The following NRG3 variants were observed in gnomAD, a reference collection of about 807,000 sequenced individuals.
The protein encoded by NRG3 is pro-neuregulin-3, membrane-bound isoform.
NRG3 carries 31 observed loss-of-function variants against 66.9 expected under a neutral mutation model. The observed-to-expected ratio is 0.46, with a 90% CI of 0.35 to 0.63. NRG3 has a LOEUF of 0.63. Ranked by LOEUF, NRG3 falls within the 20% of genes least tolerant of loss-of-function variation. The pLI is 0.00. For synonymous variants in NRG3, 393 were observed against 359.4 expected (o/e 1.09, Z -1.06); for missense variants, 910 against 878.9 (o/e 1.04, Z -0.45).
At chr10:82,763,369 T>A (rs2059398593) in intron 3 of NRG3, among the ~76,000 whole-genome samples, 1 of 152,170 alleles carries the variant, frequency 6.6e-6, no homozygotes, top group African/African-American at 2.4e-5. Context: ...TAGTAAAATA[T>A]ATTTGAAAAG....
intron 1 of NRG3, among the ~76,000 whole-genome samples, chr10:82,057,863 T>A (rs2063927446): frequency 6.6e-6 from 1 of 152,128 alleles, no homozygotes; most frequent in Non-Finnish European, 1.5e-5. Flanking sequence ...CTTATTTGCA[T>A]GGCCGACTAA....
intron 2 of NRG3, among the ~76,000 whole-genome samples, chr10:82,504,508 A>G (rs1321033851): frequency 1.3e-5 from 2 of 152,202 alleles, no homozygotes; most frequent in Non-Finnish European, 2.9e-5. Flanking sequence ...TGTACGGATG[A>G]TCAAAAGGTG....
intron 1 of NRG3, among the ~76,000 whole-genome samples, chr10:82,133,961 C>G (rs1426825386): frequency 6.6e-6 from 1 of 152,124 alleles, no homozygotes; most frequent in African/African-American, 2.4e-5. Flanking sequence ...GCCATTCTGA[C>G]TGGTGTGGGA....
At chr10:82,820,070 G>T (rs1658079274) in intron 3 of NRG3, among the ~76,000 whole-genome samples, 1 of 152,152 alleles carries the variant, frequency 6.6e-6, no homozygotes, top group African/African-American at 2.4e-5. Flanking sequence ...GTTTCCGAGA[G>T]CAACAAAGTG....
intron 2 of NRG3, among the ~76,000 whole-genome samples, chr10:82,685,276 G>A (rs936538922): frequency 6.6e-6 from 1 of 152,168 alleles, no homozygotes; most frequent in Admixed American, 6.5e-5. Context: ...GATGCACTGT[G>A]TAAGTGCACA....
At chr10:82,747,635 T>A (rs1234489456) in intron 3 of NRG3, among the ~76,000 whole-genome samples, 2 of 152,058 alleles carry the variant, frequency 1.3e-5, no homozygotes, top group Non-Finnish European at 2.9e-5. Context: ...TGTACCTTTA[T>A]GAATTTTTAA....
intron 1 of NRG3, 56 bp downstream of exon 1, chr10:81,876,219 C>CCTG: frequency 6.6e-7 from 1 of 1,510,306 alleles, no homozygotes; most frequent in East Asian, 2.5e-5. Flanking sequence ...CTTCTGCCCT[C>CCTG]CTGCTGTCTT....
At chr10:82,365,660 A>C (rs771206200) in intron 2 of NRG3, among the ~76,000 whole-genome samples, 1 of 152,198 alleles carries the variant, frequency 6.6e-6, no homozygotes, top group Admixed American at 6.5e-5. Flanking sequence ...TATTAAAATT[A>C]GTTGGCAGTT....
intron 2 of NRG3, among the ~76,000 whole-genome samples, chr10:82,456,412 C>T (rs1165773465): frequency 6.6e-6 from 1 of 151,990 alleles, no homozygotes; most frequent in Non-Finnish European, 1.5e-5. Context: ...AGCAATCCTC[C>T]CTTCTTGGCA....
chr10:82,066,823 T>C (rs906499697), intron 1 of NRG3, among the ~76,000 whole-genome samples: 11 of 151,104 alleles, frequency 7.3e-5, no homozygotes, highest in Non-Finnish European at 1.3e-4. Flanking sequence ...GACCTATTCT[T>C]TTTTTTTTGA....
chr10:81,959,937 T>C (rs919795802), intron 1 of NRG3, among the ~76,000 whole-genome samples: 2 of 152,190 alleles, frequency 1.3e-5, no homozygotes, highest in African/African-American at 4.8e-5. Context: ...CCATTTACTA[T>C]TTTTTACTTT....
At chr10:82,977,479 G>T (rs181819723) in intron 7 of NRG3, among the ~76,000 whole-genome samples, 1 of 151,952 alleles carries the variant, frequency 6.6e-6, no homozygotes, top group Non-Finnish European at 1.5e-5. Context: ...CATTGTGGGG[G>T]GCACCTGTAG....
At chr10:82,475,221 C>T (rs1374499900) in intron 2 of NRG3, among the ~76,000 whole-genome samples, 1 of 151,914 alleles carries the variant, frequency 6.6e-6, no homozygotes, top group Admixed American at 6.6e-5. Flanking sequence ...GCTAGATTAA[C>T]TATGATTGAG....
At chr10:81,903,990 ATATATAT>A (rs1194246386) in intron 1 of NRG3, among the ~76,000 whole-genome samples, 17 of 117,968 alleles carry the variant, frequency 1.4e-4, no homozygotes, top group African/African-American at 4.4e-4. Context: ...ATATATATAT[ATATATAT>A]TTTTTTTTTT....
At chr10:82,359,895 A>G (rs1440424673) in intron 2 of NRG3, among the ~76,000 whole-genome samples, 2 of 152,208 alleles carry the variant, frequency 1.3e-5, no homozygotes, top group Non-Finnish European at 2.9e-5. Context: ...AGAACATGCC[A>G]TGCCAGCAGA....
chr10:81,982,752 C>T (rs1342589337), intron 1 of NRG3, among the ~76,000 whole-genome samples: 1 of 152,168 alleles, frequency 6.6e-6, no homozygotes, highest in African/African-American at 2.4e-5. Context: ...TTAGGGCCCA[C>T]CCTAAGAGCC....
chr10:82,360,565 CAGG>C (rs1244643056), intron 2 of NRG3, among the ~76,000 whole-genome samples: 3 of 152,302 alleles, frequency 2.0e-5, no homozygotes, highest in African/African-American at 4.8e-5. Context: ...CTGAGACTAT[CAGG>C]AGAACAAAGT....
intron 2 of NRG3, among the ~76,000 whole-genome samples, chr10:82,463,030 G>C (rs1308195509): frequency 6.6e-6 from 1 of 152,118 alleles, no homozygotes; most frequent in African/African-American, 2.4e-5. Flanking sequence ...AGTCATATTG[G>C]AAGTGATGGA....
chr10:82,937,156 T>C (rs975764315), intron 4 of NRG3, among the ~76,000 whole-genome samples: 7 of 152,230 alleles, frequency 4.6e-5, no homozygotes, highest in Admixed American at 2.6e-4. Flanking sequence ...GTTTACATGT[T>C]ACCTCTCAAA....
Sources: gnomAD v4.1 joint callset for allele counts (sites outside exome capture counted in the v4.1 genomes callset) on GRCh38, gnomAD v4.1.1 for gene constraint, MANE v1.5 for transcripts, NCBI Gene and HGNC (gene_info 2026-07-23, HGNC 2026-07-21) for gene names.